The following TFAM variants were observed in gnomAD, a reference collection of about 807,000 sequenced individuals.
TFAM encodes the protein transcription factor A, mitochondrial, also known as mitochondrial transcription factor 1.
In TFAM, 13 loss-of-function variants were observed where a neutral mutation model predicts 30.6. The observed-to-expected ratio is 0.42, with a 90% CI of 0.28 to 0.67. The LOEUF is 0.67. Ranked by LOEUF, TFAM falls within the 30% of genes least tolerant of loss-of-function variation. The pLI, the probability that TFAM is intolerant of heterozygous loss-of-function variation, is 0.21. For synonymous variants in TFAM, 106 were observed against 94.8 expected (o/e 1.12, Z -0.69); for missense variants, 231 against 293.7 (o/e 0.79, Z 1.56).
intron 4 of TFAM, among the ~76,000 whole-genome samples, chr10:58,390,193 A>G (rs1464709926): frequency 6.6e-6 from 1 of 152,228 alleles, no homozygotes; most frequent in Non-Finnish European, 1.5e-5. Context: ...CAGAAACTTA[A>G]GTATAATAAT....
chr10:58,394,855 T>G (rs1840654324), intron 6 of TFAM, 73 bp from the exon 7 acceptor site: 2 of 1,444,428 alleles, frequency 1.4e-6, no homozygotes, highest in Admixed American at 3.9e-5. Context: ...TTCCAGAAAT[T>G]AATTGCTATT....
intron 5 of TFAM, among the ~76,000 whole-genome samples, chr10:58,392,644 G>A (rs981718966): frequency 2.0e-4 from 31 of 151,730 alleles, no homozygotes; most frequent in African/African-American, 7.2e-4. Context: ...CTCTAGAGAG[G>A]ATAAATGTCC....
In TFAM at chr10:58,398,962, A is replaced by G. The variant is rs1254292147; in HGVS notation, c.*3888A>G. The G allele has an allele frequency of 1.3e-5, 2 of 152,234 alleles. No individual in the cohort carries two copies. The highest frequency in any genetic ancestry group is 4.8e-5 in the African/African-American group (2 of 41,468). The allele number at this position is 152,234 out of a possible 1,614,324, so 9.4% of individuals were successfully genotyped here. Reference sequence around the variant, plus strand: ...AATTGAACTTCTGCAGAGTAAGAAAATGAATACATTTATTACTTTAAATTT... The same window carrying G: ...AATTGAACTTCTGCAGAGTAAGAAAGTGAATACATTTATTACTTTAAATTT... On this transcript the variant is annotated 3_prime_UTR_variant, in exon 7 of 7. Coordinates refer to ENST00000487519, the MANE Select transcript of TFAM (RefSeq NM_003201.3).
intron 5 of TFAM, among the ~76,000 whole-genome samples, chr10:58,391,210 G>A (rs572582236): frequency 5.6e-4 from 85 of 152,148 alleles, no homozygotes; most frequent in African/African-American, 2.0e-3. Context: ...ATTTTCTATG[G>A]GGAATTGATT....
At chr10:58,388,048 G>A (rs929869516) in intron 2 of TFAM, 142 bp from the exon 3 acceptor site, 17 of 677,352 alleles carry the variant, frequency 2.5e-5, no homozygotes, top group East Asian at 1.1e-4. Context: ...AATTACTTAC[G>A]TTTAAATTAG....
intron 4 of TFAM, among the ~76,000 whole-genome samples, chr10:58,389,781 C>G (rs1840557565): frequency 1.3e-5 from 2 of 152,204 alleles, no homozygotes; most frequent in Non-Finnish European, 2.9e-5. Flanking sequence ...ACCCAGCCCA[C>G]TGTGCTAAGA....
chr10:58,389,838 T>G (rs1840558623), intron 4 of TFAM, among the ~76,000 whole-genome samples: 1 of 152,234 alleles, frequency 6.6e-6, no homozygotes, highest in Non-Finnish European at 1.5e-5. Flanking sequence ...AAGTTTCCCT[T>G]GTCATTCTCT....
rs186728431 is a variant in TFAM, at chr10:58,395,366, T to G, written c.*292T>G. 19 of 389,352 alleles carry G rather than the reference T, an allele frequency of 4.9e-5. No homozygotes were observed. In the Admixed American group the frequency reaches 5.0e-4, roughly 10 times the overall value. 24.1% of individuals were successfully genotyped at this position (389,352 alleles called of 1,614,324 possible). A position where few individuals can be genotyped will look rare whatever the true frequency, so the allele number is the denominator to read the frequency against. On this transcript the variant is annotated 3_prime_UTR_variant, in exon 7 of 7. Transcript: ENST00000487519. Reference sequence around the variant, plus strand: ...AGGTAAATCAGACTATGAAGTTTTTTTTATACAGGATGATGACTATGGAAA... The same window carrying G: ...AGGTAAATCAGACTATGAAGTTTTTGTTATACAGGATGATGACTATGGAAA...
chr10:58,388,086 ATTAAG>A lies in TFAM; in HGVS notation c.221-100_221-96del, dbSNP rs1182205035. On this transcript the variant is annotated intron_variant, in intron 2 of 6. Coordinates refer to ENST00000487519, the MANE Select transcript of TFAM (RefSeq NM_003201.3). ...GGATAAAGGAAAGTTAAATCATTAT[ATTAAG>A]TTATGTGTGGTATGGATTGTGCTTT... The A allele has an allele frequency of 4.8e-6, 4 of 828,516 alleles. No homozygotes were observed. In the Admixed American group the frequency reaches 6.4e-5, roughly 13 times the overall value. The allele number at this position is 828,516 out of a possible 1,614,324, so 51.3% of individuals were successfully genotyped here.
intron 5 of TFAM, among the ~76,000 whole-genome samples, chr10:58,392,864 C>CG (rs1840621677): frequency 1.3e-5 from 2 of 151,642 alleles, no homozygotes; most frequent in Admixed American, 6.6e-5. Flanking sequence ...TTTGTAGAGA[C>CG]GGGGTCTCAT....
rs780330198 is a variant in TFAM, at chr10:58,394,966, T to C, written c.633T>C (p.Tyr211=). The change falls in exon 7 of 7, where the codon TAT becomes TAC. Residue 211 remains tyrosine (Y), a synonymous_variant. Transcript: ENST00000487519. ...ATGCTAAAGAGGACGAAACTCGTTA[T>C]CATAATGAAATGAAGTCTTGGGAAG... is the stretch of plus-strand genomic sequence containing the variant. ...IQHAKEDETR[Y]HNEMKSWEEQ... is the part of the protein sequence containing the mutation. The C allele has an allele frequency of 6.2e-6, 10 of 1,613,800 alleles. No individual in the cohort carries two copies. The highest frequency in any genetic ancestry group is 8.5e-6 in the Non-Finnish European group (10 of 1,179,762).
intron 4 of TFAM, among the ~76,000 whole-genome samples, chr10:58,389,591 G>A (rs1038965538): frequency 3.3e-5 from 5 of 152,178 alleles, no homozygotes; most frequent in African/African-American, 1.2e-4. Flanking sequence ...CACTAGGGTT[G>A]AGGACCCGCC....
rs1840471967 is a variant in TFAM at position 58,385,656 on chromosome 10, C to T, written c.101+8C>T. On this transcript the variant is annotated splice_region_variant and intron_variant, in intron 1 of 6. Transcript: ENST00000487519. ...ACTGCGCTCCCCCTTCAGGTAGGCC[C>T]GCTTGCCTGTGCCCTAGGGGCAGCA... The T allele has an allele frequency of 6.4e-7, 1 of 1,550,694 alleles. No individual in the cohort carries two copies. The highest frequency in any genetic ancestry group is 8.7e-7 in the Non-Finnish European group (1 of 1,145,978).
rs1840675936 is a variant in TFAM, at chr10:58,396,056, A to G, written c.*982A>G. On this transcript the variant is annotated 3_prime_UTR_variant, in exon 7 of 7. Transcript: ENST00000487519. ...CTAGGAATTGTGTTTATAATTTTAAATGTTTTTTTTTAAAGACTTTTATGA... is the reference window on the plus strand; with the variant it reads ...CTAGGAATTGTGTTTATAATTTTAAGTGTTTTTTTTTAAAGACTTTTATGA... 6.4e-6 allele frequency: 1 copy of G among 157,280 alleles called. No individual in the cohort carries two copies. Among genetic ancestry groups the G allele is most frequent in the Non-Finnish European group, 1.4e-5 (1 of 71,616 alleles). The allele number at this position is 157,280 out of a possible 1,614,324, so 9.7% of individuals were successfully genotyped here. A position where few individuals can be genotyped will look rare whatever the true frequency, so the allele number is the denominator to read the frequency against.
chr10:58,388,570 ATCTG>A (rs761570011), intron 3 of TFAM, 96 bp from the exon 4 acceptor site: 4 of 1,297,014 alleles, frequency 3.1e-6, no homozygotes, highest in Middle Eastern at 2.6e-4. Context: ...TGGTGATAAA[ATCTG>A]TCTGTCTGAA....
chr10:58,388,345 C>A lies in TFAM; in HGVS notation c.291+85C>A, dbSNP rs145188595. On this transcript the variant is annotated intron_variant, in intron 3 of 6. Coordinates refer to ENST00000487519, the MANE Select transcript of TFAM (RefSeq NM_003201.3). The stretch of plus-strand genomic sequence containing the variant: ...ATGTCCTTTAAAGGACCAGATGGAT[C>A]AGACTTTTTAAAAAATAATCTGTTA... 1.1e-3 allele frequency: 1,225 copies of A among 1,154,518 alleles called. 7 individuals carry two copies. The African/African-American group carries it at 0.016, about 16-fold the overall frequency. The allele number at this position is 1,154,518 out of a possible 1,614,324, so 71.5% of individuals were successfully genotyped here. A position where few individuals can be genotyped will look rare whatever the true frequency, so the allele number is the denominator to read the frequency against.
Position 58,385,650 on chromosome 10 carries a change from T to A in TFAM, c.101+2T>A. 1 of 1,552,916 alleles carries A rather than the reference T, an allele frequency of 6.4e-7. No homozygotes were observed. Among genetic ancestry groups the A allele is most frequent in the Non-Finnish European group, 8.7e-7 (1 of 1,147,670 alleles). On this transcript the variant is annotated splice_donor_variant, in intron 1 of 6. Transcript: ENST00000487519. LOFTEE classifies it high-confidence loss of function. ...AAGTCGACTGCGCTCCCCCTTCAGGTAGGCCCGCTTGCCTGTGCCCTAGGG... is the reference window on the plus strand; with the variant it reads ...AAGTCGACTGCGCTCCCCCTTCAGGAAGGCCCGCTTGCCTGTGCCCTAGGG...
intron 5 of TFAM, 62 bp downstream of exon 5, chr10:58,390,922 GC>G (rs1840580289): frequency 5.6e-6 from 8 of 1,421,306 alleles, no homozygotes; most frequent in African/African-American, 1.4e-5. Context: ...AGTCTAGAGT[GC>G]CATGTGTCAG....
rs890322859 is a variant in TFAM at position 58,396,450 on chromosome 10, A to G, written c.*1376A>G. 3.9e-5 allele frequency: 6 copies of G among 152,248 alleles called. No individual in the cohort carries two copies. The highest frequency in any genetic ancestry group is 3.3e-4 in the Admixed American group (5 of 15,288). 9.4% of individuals were successfully genotyped at this position (152,248 alleles called of 1,614,324 possible). Reference sequence around the variant, plus strand: ...TAGCAAGGAAAATAATCTAGTTTCAAATTACATTGCAGTATAATGAAAAAG... The same window carrying G: ...TAGCAAGGAAAATAATCTAGTTTCAGATTACATTGCAGTATAATGAAAAAG... On this transcript the variant is annotated 3_prime_UTR_variant, in exon 7 of 7. Coordinates refer to ENST00000487519, the MANE Select transcript of TFAM (RefSeq NM_003201.3).
Sources: allele counts gnomAD v4.1 joint callset (sites outside exome capture counted in the v4.1 genomes callset), GRCh38; gene constraint gnomAD v4.1.1; transcripts MANE v1.5; gene names NCBI Gene and HGNC (gene_info 2026-07-23, HGNC 2026-07-21).